The following WWOX variants were observed in gnomAD, a reference collection of about 807,000 sequenced individuals.
The protein encoded by WWOX is WW domain-containing oxidoreductase.
A neutral mutation model predicts 46.2 loss-of-function variants in WWOX; 69 were observed. That is an observed-to-expected ratio of 1.49 (90% CI 1.23 to 1.82). The LOEUF (loss-of-function observed/expected upper bound fraction) is 1.82. Ranked by LOEUF, WWOX falls within the 40% of genes most tolerant of loss-of-function variation. WWOX has a pLI of 0.00. For synonymous variants in WWOX, 359 were observed against 202.6 expected (o/e 1.77, Z -6.56); for missense variants, 919 against 542.6 (o/e 1.69, Z -6.89).
At chr16:79,081,192 C>T (rs1597356739) in intron 8 of WWOX, among the ~76,000 whole-genome samples, 2 of 152,150 alleles carry the variant, frequency 1.3e-5, no homozygotes, top group African/African-American at 4.8e-5. Flanking sequence ...GAGACAAAGT[C>T]TTGATCTGTT....
intron 8 of WWOX, among the ~76,000 whole-genome samples, chr16:78,678,671 G>T (rs2047659429): frequency 1.3e-5 from 2 of 152,126 alleles, no homozygotes; most frequent in African/African-American, 4.8e-5. Flanking sequence ...AAGTCTTGAT[G>T]AGTAAGATTG....
At chr16:78,841,487 G>T (rs1398392241) in intron 8 of WWOX, among the ~76,000 whole-genome samples, 1 of 152,160 alleles carries the variant, frequency 6.6e-6, no homozygotes, top group Admixed American at 6.5e-5. Context: ...ATGGAAAGTG[G>T]CAAATGCTAC....
chr16:78,375,857 T>A (rs1048485237), intron 5 of WWOX, among the ~76,000 whole-genome samples: 1 of 151,042 alleles, frequency 6.6e-6, no homozygotes. Context: ...ATAGGATTTT[T>A]TTTTTTTTTT....
intron 8 of WWOX, among the ~76,000 whole-genome samples, chr16:78,512,709 ATAAT>A (rs554654808): frequency 1.1e-3 from 167 of 151,858 alleles, no homozygotes; most frequent in Non-Finnish European, 2.1e-3. Context: ...TATGTGGTAA[ATAAT>A]TAATTTTTTC....
intron 8 of WWOX, among the ~76,000 whole-genome samples, chr16:78,468,183 C>T (rs1018975796): frequency 1.1e-4 from 16 of 152,004 alleles, no homozygotes; most frequent in African/African-American, 3.6e-4. Flanking sequence ...GTGTGGCTTT[C>T]TACCAGTTCT....
chr16:78,911,560 G>T (rs184792151), intron 8 of WWOX, among the ~76,000 whole-genome samples: 72 of 152,074 alleles, frequency 4.7e-4, no homozygotes, highest in African/African-American at 6.0e-4. Flanking sequence ...ATTCTCCCCA[G>T]TGGCAATGTT....
At chr16:78,535,335 G>C (rs111902985) in intron 8 of WWOX, 64 of 152,200 alleles carry the variant, frequency 4.2e-4, no homozygotes, top group African/African-American at 1.5e-3. Flanking sequence ...TGGATGATAT[G>C]GGTAATGACT....
At chr16:79,089,252 G>T (rs562472277) in intron 8 of WWOX, among the ~76,000 whole-genome samples, 10 of 151,426 alleles carry the variant, frequency 6.6e-5, no homozygotes, top group African/African-American at 2.2e-4. Flanking sequence ...CAAGATTTTT[G>T]TAATGATTAG....
At chr16:78,933,184 A>T (rs1165871324) in intron 8 of WWOX, among the ~76,000 whole-genome samples, 1 of 152,212 alleles carries the variant, frequency 6.6e-6, no homozygotes, top group Admixed American at 6.5e-5. Flanking sequence ...CACGCCTGTA[A>T]TCCCAGCACT....
At chr16:79,121,784 C>T (rs1057178842) in intron 8 of WWOX, among the ~76,000 whole-genome samples, 1 of 152,098 alleles carries the variant, frequency 6.6e-6, no homozygotes, top group Admixed American at 6.5e-5. Flanking sequence ...AGATAAGGTC[C>T]ATTACTCTTT....
At chr16:78,665,860 T>C (rs2047319398) in intron 8 of WWOX, among the ~76,000 whole-genome samples, 1 of 152,060 alleles carries the variant, frequency 6.6e-6, no homozygotes, top group African/African-American at 2.4e-5. Flanking sequence ...AATTTTTGTA[T>C]TTTTAGTAGA....
intron 8 of WWOX, among the ~76,000 whole-genome samples, chr16:78,668,498 C>T (rs1030928781): frequency 6.6e-6 from 1 of 152,068 alleles, no homozygotes; most frequent in African/African-American, 2.4e-5. Flanking sequence ...GGGCTAGGCC[C>T]TGGGAACAGT....
intron 8 of WWOX, among the ~76,000 whole-genome samples, chr16:78,894,070 G>C (rs2044650209): frequency 1.1e-5 from 1 of 87,552 alleles, no homozygotes; most frequent in East Asian, 3.4e-4. Context: ...ACAGGGTCTT[G>C]CTTTCTTGCC....
chr16:78,898,443 A>T (rs2044751363), intron 8 of WWOX: 1 of 152,162 alleles, frequency 6.6e-6, no homozygotes, highest in Admixed American at 6.5e-5. Flanking sequence ...GTCAAAAATC[A>T]GTTGACTATA....
intron 8 of WWOX, among the ~76,000 whole-genome samples, chr16:78,868,380 T>C (rs1419283489): frequency 6.7e-6 from 1 of 150,056 alleles, no homozygotes; most frequent in African/African-American, 2.5e-5. Flanking sequence ...TGGGAGTGAG[T>C]GGAGGGGATT....
intron 8 of WWOX, among the ~76,000 whole-genome samples, chr16:78,883,317 C>T (rs1490426155): frequency 2.6e-5 from 4 of 152,140 alleles, no homozygotes; most frequent in Non-Finnish European, 5.9e-5. Flanking sequence ...CCCTAAATGC[C>T]ATCCGGTGAC....
intron 5 of WWOX, among the ~76,000 whole-genome samples, chr16:78,195,841 G>GA (rs1365423561): frequency 0.045 from 5,174 of 114,648 alleles, 154 homozygotes; most frequent in East Asian, 0.2. Context: ...AAAAAAAAAA[G>GA]AAAAAAAAAA....
At chr16:78,615,880 A>G (rs1180886383) in intron 8 of WWOX, among the ~76,000 whole-genome samples, 1 of 151,628 alleles carries the variant, frequency 6.6e-6, no homozygotes, top group African/African-American at 2.4e-5. Context: ...CCTCCCGAGT[A>G]GTTGGGACTA....
At chr16:79,130,724 C>G (rs1489078576) in intron 8 of WWOX, among the ~76,000 whole-genome samples, 1 of 152,210 alleles carries the variant, frequency 6.6e-6, no homozygotes, top group Non-Finnish European at 1.5e-5. Flanking sequence ...TGGCGTCCTT[C>G]CAGATTTGAC....
Sources: gnomAD v4.1 joint callset for allele counts (sites outside exome capture counted in the v4.1 genomes callset) on GRCh38, gnomAD v4.1.1 for gene constraint, MANE v1.5 for transcripts, NCBI Gene and HGNC (gene_info 2026-07-23, HGNC 2026-07-21) for gene names.